Variants in VPS13C observed in about 807,000 individuals in gnomAD.
VPS13C encodes the protein vacuolar protein sorting 13 homolog C.
VPS13C carries 358 observed loss-of-function variants against 456.8 expected under a neutral mutation model. The observed-to-expected ratio is 0.78, with a 90% CI of 0.72 to 0.86. VPS13C has a LOEUF of 0.86. VPS13C is among the 40% of genes least tolerant of loss of function. VPS13C has a pLI of 0.00. For missense variants in VPS13C, 4,818 were observed against 4,385.4 expected (o/e 1.10, Z -2.79); for synonymous variants, 1,578 against 1,486.7 (o/e 1.06, Z -1.41).
chr15:61,952,535 G>A (rs564621245), intron 38 of VPS13C, among the ~76,000 whole-genome samples: 4 of 152,222 alleles, frequency 2.6e-5, no homozygotes, highest in African/African-American at 9.6e-5. Context: ...TTGTGTGTGT[G>A]TGTTAAGTAT....
chr15:61,895,897 T>C (rs767236531), intron 66 of VPS13C, among the ~76,000 whole-genome samples: 17 of 152,234 alleles, frequency 1.1e-4, no homozygotes, highest in Non-Finnish European at 2.4e-4. Context: ...TCCTATAGCA[T>C]TATAGGATGA....
chr15:61,883,983 C>G (rs1328587291), intron 68 of VPS13C, 145 bp downstream of exon 68: 4 of 587,142 alleles, frequency 6.8e-6, no homozygotes, highest in Admixed American at 3.9e-5. Context: ...ATTAGACACG[C>G]CAATCCTATT....
Position 61,908,139 on chromosome 15 carries a change from T to C in VPS13C, c.8979-749A>G, listed in dbSNP as rs368615343. Among the ~76,000 whole-genome samples, 162 of 152,256 alleles carry C rather than the reference T, an allele frequency of 1.1e-3. 1 individual carries two copies. The highest frequency in any genetic ancestry group is 3.5e-3 in the African/African-American group (146 of 41,556). On this transcript the variant is annotated intron_variant, in intron 65 of 84. Coordinates refer to ENST00000644861, the MANE Select transcript of VPS13C (RefSeq NM_020821.3). The stretch of plus-strand genomic sequence containing the variant: ...TCCCAGGAGATTTTAAAATTGATTA[T>C]TACAATTTAAGAAGTATTTGTCCAT...
At chr15:61,863,553 T>G (rs376586954) in intron 81 of VPS13C, 25 bp from the exon 82 acceptor site, 1 of 1,560,506 alleles carries the variant, frequency 6.4e-7, no homozygotes, top group African/African-American at 1.4e-5. Context: ...AGGCTCTAGA[T>G]TTGGGAAGTT....
rs773368257 is a variant in VPS13C at position 61,972,710 on chromosome 15, C to T, written c.2672G>A (p.Ser891Asn). 6.2e-7 allele frequency: 1 copy of T among 1,613,202 alleles called. No homozygotes were observed. Among genetic ancestry groups the T allele is most frequent in the South Asian group, 1.1e-5 (1 of 91,032 alleles). Residue 891 changes from serine (S) to asparagine (N), a missense_variant, in exon 27 of 85, where the codon AGT (serine) becomes AAT (asparagine). Ser to Asn is a conservative substitution (Grantham distance 46, BLOSUM62 1). Coordinates refer to ENST00000644861, the MANE Select transcript of VPS13C (RefSeq NM_020821.3). ...AEDGEPQTCK[S>N]MKGSELKKAA... ...TTTTTTAAGTTCTGATCCTTTCATA[C>T]TTTTACAAGTCTGTGGTTCTCCATC... is the stretch of plus-strand genomic sequence containing the variant.
At position 61,858,669 on chromosome 15, in the gene VPS13C, T is replaced by G. The variant is rs752565557; in HGVS notation, c.10953-2260A>C. Among the ~76,000 whole-genome samples, 5 of 152,204 alleles carry G rather than the reference T, an allele frequency of 3.3e-5. No homozygotes were observed. Among genetic ancestry groups the G allele is most frequent in the Admixed American group, 6.5e-5 (1 of 15,274 alleles). ...ATAGTTTATGTAGGTGGGCCTGACC[T>G]AAGTTCATGGACTATAAATCTGCGT... On this transcript the variant is annotated intron_variant, in intron 82 of 84. Coordinates refer to ENST00000644861, the MANE Select transcript of VPS13C (RefSeq NM_020821.3). This position sits in a 1 kb window ranked among gnomAD's most constrained non-coding sequence, Gnocchi z 4.4.
chr15:61,868,621 A>C, intron 81 of VPS13C, 38 bp downstream of exon 81: 1 of 1,576,874 alleles, frequency 6.3e-7, no homozygotes, highest in African/African-American at 1.3e-5. Flanking sequence ...AATCATTAAA[A>C]TTCCATTTCA....
chr15:61,880,312 C>T (rs1038950482), intron 73 of VPS13C, among the ~76,000 whole-genome samples: 4 of 152,066 alleles, frequency 2.6e-5, no homozygotes, highest in Non-Finnish European at 5.9e-5. Flanking sequence ...CAAAGTGCAA[C>T]CAAAACATTA....
chr15:62,043,331 G>A (rs374723058), intron 2 of VPS13C, among the ~76,000 whole-genome samples: 14 of 152,160 alleles, frequency 9.2e-5, no homozygotes, highest in Non-Finnish European at 1.5e-4. Context: ...TAGGCTGGGC[G>A]CAGTGGCTCC....
At chr15:61,964,672 C>A (rs2045323003) in intron 31 of VPS13C, 27 bp downstream of exon 31, 1 of 1,578,090 alleles carries the variant, frequency 6.3e-7, no homozygotes. Flanking sequence ...CCCTTGCTAA[C>A]AAAAAACAAA....
At chr15:61,959,355 G>T in intron 36 of VPS13C, 93 bp downstream of exon 36, 1 of 1,167,462 alleles carries the variant, frequency 8.6e-7, no homozygotes, top group Non-Finnish European at 1.2e-6. Context: ...ATACTATTCA[G>T]CAAAAGAGTC....
intron 83 of VPS13C, among the ~76,000 whole-genome samples, chr15:61,855,219 C>T (rs1893840738): frequency 6.6e-6 from 1 of 152,122 alleles, no homozygotes; most frequent in African/African-American, 2.4e-5. Context: ...AAATAGCCTA[C>T]AGAAACACCA....
chr15:61,895,153 C>A (rs1387852037), intron 66 of VPS13C, among the ~76,000 whole-genome samples: 2 of 151,988 alleles, frequency 1.3e-5, no homozygotes, highest in Non-Finnish European at 2.9e-5. Context: ...AAAAAATTTT[C>A]TTAAAACAAA....
chr15:62,016,681 C>T (rs530400873), intron 9 of VPS13C, among the ~76,000 whole-genome samples: 2 of 152,036 alleles, frequency 1.3e-5, no homozygotes, highest in East Asian at 1.9e-4. Context: ...CTGTTGGACA[C>T]TTGGGTTGGT....
At position 61,973,536 on chromosome 15, in the gene VPS13C, G is replaced by C. The variant is rs1385622159; in HGVS notation, c.2539-4C>G. 6.2e-7 allele frequency: 1 copy of C among 1,609,390 alleles called. No homozygotes were observed. ...AAATAATAGGAATTGAGGATACCTA[G>C]CAAAGAATACAAAAAGTTTTCTTAA... is the stretch of plus-strand genomic sequence containing the variant. On this transcript the variant is annotated splice_region_variant and splice_polypyrimidine_tract_variant and intron_variant, in intron 25 of 84. Coordinates refer to ENST00000644861, the MANE Select transcript of VPS13C (RefSeq NM_020821.3).
chr15:62,007,621 T>C lies in VPS13C; in HGVS notation c.1119-142A>G, dbSNP rs9635310. The C allele has an allele frequency of 0.49, 313,702 of 636,060 alleles. 82,355 individuals are homozygous for C. The highest frequency in any genetic ancestry group is 0.6 in the Admixed American group (15,549 of 26,038). 39.4% of individuals were successfully genotyped at this position (636,060 alleles called of 1,614,324 possible). A position where few individuals can be genotyped will look rare whatever the true frequency, so the allele number is the denominator to read the frequency against. On this transcript the variant is annotated intron_variant, in intron 14 of 84. Coordinates refer to ENST00000644861, the MANE Select transcript of VPS13C (RefSeq NM_020821.3). ...CCTATAAGAGCTCAGCAATTCCCAGTAAAATTGTCTGACTTAAATAGACTT... is the reference window on the plus strand; with the variant it reads ...CCTATAAGAGCTCAGCAATTCCCAGCAAAATTGTCTGACTTAAATAGACTT...
chr15:62,007,589 C>A, intron 14 of VPS13C, 110 bp from the exon 15 acceptor site: 1 of 920,832 alleles, frequency 1.1e-6, no homozygotes, highest in Non-Finnish European at 1.5e-6. Context: ...TTCTTCTTAA[C>A]TGTCTTCCTA....
intron 15 of VPS13C, among the ~76,000 whole-genome samples, chr15:62,005,693 A>G (rs1402590828): frequency 1.3e-5 from 2 of 148,824 alleles, no homozygotes; most frequent in African/African-American, 5.0e-5. Flanking sequence ...TATTTTTTTT[A>G]TTTTTTATTT....
At position 61,917,263 on chromosome 15, in the gene VPS13C, C is replaced by A. The variant is rs1596328143; in HGVS notation, c.8055+78G>T. 2.1e-6 allele frequency: 3 copies of A among 1,443,124 alleles called. No homozygotes were observed. In the East Asian group the frequency reaches 7.3e-5, roughly 35 times the overall value. The allele number at this position is 1,443,124 out of a possible 1,614,324, so 89.4% of individuals were successfully genotyped here. A position where few individuals can be genotyped will look rare whatever the true frequency, so the allele number is the denominator to read the frequency against. ...CATACGCTATATAAAACACTGACCT[C>A]ACTTAAAAATACCATAAAACAAAAT... On this transcript the variant is annotated intron_variant, in intron 60 of 84. Coordinates refer to ENST00000644861, the MANE Select transcript of VPS13C (RefSeq NM_020821.3).
Sources: allele counts gnomAD v4.1 joint callset (sites outside exome capture counted in the v4.1 genomes callset), GRCh38; gene constraint gnomAD v4.1.1; non-coding constraint Gnocchi (gnomAD v3.1); transcripts MANE v1.5; gene names NCBI Gene and HGNC (gene_info 2026-07-23, HGNC 2026-07-21).